Variants in SH3BGRL2 observed in about 807,000 individuals in gnomAD.
SH3BGRL2 encodes SH3 domain binding glutamate rich protein like 2, also known as SH3 domain-binding glutamic acid-rich-like protein 2.
A neutral mutation model predicts 14.8 loss-of-function variants in SH3BGRL2; 21 were observed. That is an observed-to-expected ratio of 1.42 (90% CI 1.01 to 2.05). SH3BGRL2 has a LOEUF of 2.05. Among genes scored for constraint, SH3BGRL2 ranks in the 30% most tolerant of loss-of-function variants. SH3BGRL2 has a pLI of 0.00. For synonymous variants in SH3BGRL2, 50 were observed against 47.8 expected, an observed-to-expected ratio of 1.05 and a Z score of -0.19; for missense variants, 147 against 130.8, an observed-to-expected ratio of 1.12 and a Z score of -0.61.
At chr6:79,572,622 C>G in the SH3BGRL2 span, among the ~76,000 whole-genome samples, 1 of 152,074 alleles carries the variant, frequency 6.6e-6, no homozygotes, top group Non-Finnish European at 1.5e-5. Flanking sequence ...CCCGCCACCA[C>G]GCCCGGCTAA....
chr6:79,565,313 T>G, the SH3BGRL2 span, among the ~76,000 whole-genome samples: 1 of 152,174 alleles, frequency 6.6e-6, no homozygotes, highest in Non-Finnish European at 1.5e-5. Flanking sequence ...AGGAGAAATT[T>G]TAAGGATATA....
the SH3BGRL2 span, among the ~76,000 whole-genome samples, chr6:79,585,706 T>C: frequency 2.6e-5 from 4 of 152,214 alleles, no homozygotes; most frequent in Non-Finnish European, 2.9e-5. Flanking sequence ...TTAAGTGTTA[T>C]ACTTCACATT....
chr6:79,661,704 T>C (rs915973619), intron 1 of SH3BGRL2, among the ~76,000 whole-genome samples: 3 of 152,224 alleles, frequency 2.0e-5, no homozygotes, highest in African/African-American at 7.2e-5. Context: ...TTCTGTCTCA[T>C]TCATCTGTCT....
At chr6:79,575,689 T>C in the SH3BGRL2 span, among the ~76,000 whole-genome samples, 35 of 152,110 alleles carry the variant, frequency 2.3e-4, 1 homozygote, top group African/African-American at 7.7e-4. Context: ...AATATAGATA[T>C]AGCAGCTGCA....
chr6:79,667,548 G>A (rs1315072693), intron 1 of SH3BGRL2, among the ~76,000 whole-genome samples: 1 of 151,972 alleles, frequency 6.6e-6, no homozygotes, highest in Non-Finnish European at 1.5e-5. Flanking sequence ...CTGGGTTCAA[G>A]GGATTCTCCC....
the SH3BGRL2 span, among the ~76,000 whole-genome samples, chr6:79,590,278 A>G: frequency 6.6e-6 from 1 of 151,938 alleles, no homozygotes; most frequent in African/African-American, 2.4e-5. Flanking sequence ...CAGCAATCCC[A>G]TTACTGGGTA....
At chr6:79,678,748 T>A (rs1202103346) in intron 2 of SH3BGRL2, among the ~76,000 whole-genome samples, 1 of 152,180 alleles carries the variant, frequency 6.6e-6, no homozygotes, top group Admixed American at 6.5e-5. Context: ...ACCCAATAGG[T>A]AGTTTTTTGA....
chr6:79,641,150 T>TTGTG (rs373404859), intron 1 of SH3BGRL2, among the ~76,000 whole-genome samples: 5,834 of 141,284 alleles, frequency 0.041, 140 homozygotes, highest in African/African-American at 0.058. Context: ...TCTCACCCTT[T>TTGTG]TGTGTGTGTG....
rs371754952 is a variant in SH3BGRL2 at position 79,631,555 on chromosome 6, C to T, written c.45+49C>T. On this transcript the variant is annotated intron_variant, in intron 1 of 3. Coordinates refer to ENST00000369838, the MANE Select transcript of SH3BGRL2 (RefSeq NM_031469.4). ...TAGGTTGGGGTCGCGGGGCGCGGGT[C>T]CTGCGGGAGGCGCGCGGCGCTCGTC... is the stretch of plus-strand genomic sequence containing the variant. 1.8e-5 allele frequency: 24 copies of T among 1,348,318 alleles called. No homozygotes were observed. The African/African-American group carries it at 3.3e-4, about 19-fold the overall frequency. The allele number at this position is 1,348,318 out of a possible 1,614,324, so 83.5% of individuals were successfully genotyped here.
At chr6:79,680,462 CTGTT>C (rs1163975044) in intron 2 of SH3BGRL2, among the ~76,000 whole-genome samples, 2 of 152,192 alleles carry the variant, frequency 1.3e-5, no homozygotes, top group African/African-American at 4.8e-5. Context: ...TAGAATCACA[CTGTT>C]TGATGACTAT....
chr6:79,585,065 A>AT, the SH3BGRL2 span, among the ~76,000 whole-genome samples: 1 of 151,634 alleles, frequency 6.6e-6, no homozygotes, highest in Non-Finnish European at 1.5e-5. Context: ...AAAAAAAAAA[A>AT]TCTAAACAAA....
At position 79,670,270 on chromosome 6, in the gene SH3BGRL2, CT is replaced by C. The variant is rs533900148; in HGVS notation, c.46-3342del. On this transcript the variant is annotated intron_variant, in intron 1 of 3. Coordinates refer to ENST00000369838, the MANE Select transcript of SH3BGRL2 (RefSeq NM_031469.4). ...AATGGTCAGTGGGCTGGATTTGGGC[CT>C]TGGGCCATATTTTGCCTACTCCCAA... Among the ~76,000 whole-genome samples the C allele has an allele frequency of 8.5e-5, 13 of 152,296 alleles. No individual in the cohort carries two copies. In the South Asian group the frequency reaches 2.7e-3, roughly 32 times the overall value.
the SH3BGRL2 span, among the ~76,000 whole-genome samples, chr6:79,578,442 G>T: frequency 6.6e-6 from 1 of 152,300 alleles, no homozygotes; most frequent in South Asian, 2.1e-4. Context: ...GGATCAGGCA[G>T]CAATATTTGC....
chr6:79,583,561 C>G, the SH3BGRL2 span, among the ~76,000 whole-genome samples: 1 of 152,150 alleles, frequency 6.6e-6, no homozygotes, highest in Non-Finnish European at 1.5e-5. Context: ...TGTTCTCACT[C>G]ATAGGTGGGA....
chr6:79,632,764 G>A (rs960752841), intron 1 of SH3BGRL2, among the ~76,000 whole-genome samples: 1 of 152,164 alleles, frequency 6.6e-6, no homozygotes, highest in Non-Finnish European at 1.5e-5. Flanking sequence ...TAGCTATTTG[G>A]GTTGCTTAGT....
At chr6:79,599,902 A>G in the SH3BGRL2 span, among the ~76,000 whole-genome samples, 1 of 152,194 alleles carries the variant, frequency 6.6e-6, no homozygotes. Context: ...TATGGGTATG[A>G]TTACTTAGTG....
intron 1 of SH3BGRL2, among the ~76,000 whole-genome samples, chr6:79,654,634 C>G (rs1769367798): frequency 6.6e-6 from 1 of 152,124 alleles, no homozygotes; most frequent in African/African-American, 2.4e-5. Flanking sequence ...GGTTGTTGTT[C>G]TTGGCTGTAT....
In SH3BGRL2 at chr6:79,699,833, G is replaced by A. The variant is rs984493594; in HGVS notation, c.*324G>A. 1 of 346,552 alleles carries A rather than the reference G, an allele frequency of 2.9e-6. No homozygotes were observed. The highest frequency in any genetic ancestry group is 5.1e-6 in the Non-Finnish European group (1 of 194,820). The allele number at this position is 346,552 out of a possible 1,614,324, so 21.5% of individuals were successfully genotyped here. The stretch of plus-strand genomic sequence containing the variant: ...TAGCACCGTCAGAGAGAAAATGTTG[G>A]ATCTGCCCTAGGTTATAGTAGATGC... On this transcript the variant is annotated 3_prime_UTR_variant, in exon 4 of 4. Coordinates refer to ENST00000369838, the MANE Select transcript of SH3BGRL2 (RefSeq NM_031469.4).
In SH3BGRL2 at chr6:79,631,736, G is replaced by T. The variant is rs994068768; in HGVS notation, c.45+230G>T. Reference sequence around the variant, plus strand: ...CCCACCCTGCGTGGCCTGAAAGGCAGACAACGCGGCCTGAAAATGGAGTCC... The same window carrying T: ...CCCACCCTGCGTGGCCTGAAAGGCATACAACGCGGCCTGAAAATGGAGTCC... On this transcript the variant is annotated intron_variant, in intron 1 of 3. Coordinates refer to ENST00000369838, the MANE Select transcript of SH3BGRL2 (RefSeq NM_031469.4). Among the ~76,000 whole-genome samples, 3 of 152,342 alleles carry T rather than the reference G, an allele frequency of 2.0e-5. No individual in the cohort carries two copies. The East Asian group carries it at 5.8e-4, about 29-fold the overall frequency.
Sources: allele counts gnomAD v4.1 joint callset (sites outside exome capture counted in the v4.1 genomes callset), GRCh38; gene constraint gnomAD v4.1.1; transcripts MANE v1.5; gene names NCBI Gene and HGNC (gene_info 2026-07-23, HGNC 2026-07-21).